Variants in GFPT1 observed in about 807,000 individuals in gnomAD.
GFPT1 encodes the protein glutamine--fructose-6-phosphate transaminase 1, also known as glutamine--fructose-6-phosphate aminotransferase [isomerizing] 1.
A neutral mutation model predicts 92.0 loss-of-function variants in GFPT1; 40 were observed. That is an observed-to-expected ratio of 0.43 (90% CI 0.34 to 0.57). The LOEUF (loss-of-function observed/expected upper bound fraction) is 0.57, where lower values mean the gene tolerates loss of function less well. Ranked by LOEUF, GFPT1 falls within the 20% of genes least tolerant of loss-of-function variation. The pLI is 0.02. For missense variants in GFPT1, 448 were observed against 869.1 expected, an observed-to-expected ratio of 0.52 and a Z score of 6.09; for synonymous variants, 269 against 280.6, an observed-to-expected ratio of 0.96 and a Z score of 0.41.
intron 1 of GFPT1, among the ~76,000 whole-genome samples, chr2:69,385,325 A>C (rs1422506791): frequency 6.6e-6 from 1 of 152,088 alleles, no homozygotes; most frequent in Non-Finnish European, 1.5e-5. Flanking sequence ...TCCTGGGTTC[A>C]AGCAATTCTC....
At chr2:69,369,922 G>C in intron 3 of GFPT1, 79 bp downstream of exon 3, 1 of 839,788 alleles carries the variant, frequency 1.2e-6, no homozygotes, top group Non-Finnish European at 2.1e-6. Context: ...TATGGGGGGA[G>C]GGAGTAACTT....
Position 69,340,962 on chromosome 2 carries a change from AT to A in GFPT1, c.1203+1189del, listed in dbSNP as rs199569354. Reference sequence around the variant, plus strand: ...CATCTTTCTTCTTCCCGTGTTCAAAATTTTTTTTTTTTTTTGAGACAGGGCC... The same window carrying A: ...CATCTTTCTTCTTCCCGTGTTCAAAATTTTTTTTTTTTTTGAGACAGGGCC... On this transcript the variant is annotated intron_variant, in intron 13 of 19. Coordinates refer to ENST00000357308, the MANE Select transcript of GFPT1 (RefSeq NM_001244710.2). Among the ~76,000 whole-genome samples the A allele has an allele frequency of 5.9e-3, 849 of 144,438 alleles. 2 individuals carry two copies. Among genetic ancestry groups the A allele is most frequent in the African/African-American group, 9.5e-3 (378 of 39,628 alleles). 94.8% of individuals were successfully genotyped at this position (144,438 alleles called of 152,430 possible). A position where few individuals can be genotyped will look rare whatever the true frequency, so the allele number is the denominator to read the frequency against.
chr2:69,336,707 T>C, intron 15 of GFPT1, among the ~76,000 whole-genome samples: 1 of 151,002 alleles, frequency 6.6e-6, no homozygotes, highest in East Asian at 1.9e-4. Context: ...AGAGATCACT[T>C]GAGCCCATGA....
At chr2:69,346,303 A>T (rs1195237639) in intron 11 of GFPT1, among the ~76,000 whole-genome samples, 1 of 151,814 alleles carries the variant, frequency 6.6e-6, no homozygotes, top group African/African-American at 2.4e-5. Context: ...GAGTGGCATG[A>T]TGTAGGCTCA....
intron 13 of GFPT1, among the ~76,000 whole-genome samples, chr2:69,340,592 A>G (rs1270905068): frequency 1.3e-5 from 2 of 152,202 alleles, no homozygotes; most frequent in Non-Finnish European, 2.9e-5. Context: ...AACCTCTGGC[A>G]TAAATGAGTT....
chr2:69,339,284 A>C (rs1574051920), intron 13 of GFPT1, among the ~76,000 whole-genome samples: 1 of 152,336 alleles, frequency 6.6e-6, no homozygotes, highest in African/African-American at 2.4e-5. Context: ...AAAATTAAAC[A>C]CTTTAAAAGT....
chr2:69,361,447 CAAA>C (rs558027010), intron 4 of GFPT1, among the ~76,000 whole-genome samples: 1 of 87,944 alleles, frequency 1.1e-5, no homozygotes. Flanking sequence ...GATTCCTTCT[CAAA>C]AAAAAAAAAA....
chr2:69,339,434 A>G (rs1670882579), intron 13 of GFPT1, among the ~76,000 whole-genome samples: 1 of 152,222 alleles, frequency 6.6e-6, no homozygotes, highest in Non-Finnish European at 1.5e-5. Flanking sequence ...CTCTGTGCAA[A>G]ACGTAGTTTA....
chr2:69,357,122 C>A (rs968402460), intron 6 of GFPT1, among the ~76,000 whole-genome samples: 1 of 152,188 alleles, frequency 6.6e-6, no homozygotes, highest in African/African-American at 2.4e-5. Context: ...ATCCTTTCTA[C>A]AGGCTATGAA....
chr2:69,329,671 A>G lies in GFPT1; in HGVS notation c.1597+13T>C. ...TTAGACAACAAAAGTGTAATATATG[A>G]GTGTCTTTGTACCAGGCAGCCGTTT... On this transcript the variant is annotated intron_variant, in intron 16 of 19. Coordinates refer to ENST00000357308, the MANE Select transcript of GFPT1 (RefSeq NM_001244710.2). 6.5e-7 allele frequency: 1 copy of G among 1,528,808 alleles called. No homozygotes were observed. Among genetic ancestry groups the G allele is most frequent in the Non-Finnish European group, 9.1e-7 (1 of 1,102,026 alleles). 94.7% of individuals were successfully genotyped at this position (1,528,808 alleles called of 1,614,324 possible).
At chr2:69,377,518 G>T (rs968772901) in intron 1 of GFPT1, among the ~76,000 whole-genome samples, 2 of 150,040 alleles carry the variant, frequency 1.3e-5, no homozygotes, top group Non-Finnish European at 3.0e-5. Context: ...AAAATAGCCA[G>T]CTGTGGTGGC....
At chr2:69,384,661 T>C (rs1312820632) in intron 1 of GFPT1, among the ~76,000 whole-genome samples, 2 of 119,512 alleles carry the variant, frequency 1.7e-5, no homozygotes, top group Non-Finnish European at 3.2e-5. Flanking sequence ...GCCGCTGCAC[T>C]CCAGCCTGGG....
rs756101421 is a variant in GFPT1 at position 69,385,538 on chromosome 2, TTATTTA to T, written c.7+1521_7+1526del. Among the ~76,000 whole-genome samples, 457 of 83,080 alleles carry T rather than the reference TTATTTA, an allele frequency of 5.5e-3. 6 individuals are homozygous for T. Among genetic ancestry groups the T allele is most frequent in the African/African-American group, 0.038 (430 of 11,334 alleles). The allele number at this position is 83,080 out of a possible 152,430, so 54.5% of individuals were successfully genotyped here. A position where few individuals can be genotyped will look rare whatever the true frequency, so the allele number is the denominator to read the frequency against. On this transcript the variant is annotated intron_variant, in intron 1 of 19. Transcript: ENST00000357308. ...CCACGCCCAGCGCTGATTTATTTAT[TTATTTA>T]TTTTTTTTTCAGTAAGTACTTTGAC...
chr2:69,330,584 A>T (rs73937248), intron 15 of GFPT1, among the ~76,000 whole-genome samples: 3,402 of 151,942 alleles, frequency 0.022, 137 homozygotes, highest in African/African-American at 0.076. Flanking sequence ...GCATTAAAAA[A>T]AAAAAAAAGG....
At chr2:69,377,390 C>T (rs866789208) in intron 1 of GFPT1, among the ~76,000 whole-genome samples, 17 of 151,862 alleles carry the variant, frequency 1.1e-4, no homozygotes, top group African/African-American at 4.1e-4. Flanking sequence ...GTGGCTCACA[C>T]CTGTAATCCC....
chr2:69,347,514 G>A (rs1671113111), intron 11 of GFPT1, among the ~76,000 whole-genome samples: 1 of 140,144 alleles, frequency 7.1e-6, no homozygotes, highest in Admixed American at 7.3e-5. Flanking sequence ...TTTTGCTCTT[G>A]TTGCCAAGGC....
chr2:69,378,704 A>G (rs1383067568), intron 1 of GFPT1, among the ~76,000 whole-genome samples: 5 of 152,234 alleles, frequency 3.3e-5, no homozygotes, highest in Non-Finnish European at 5.9e-5. Context: ...GACTCGTCAA[A>G]TTATTAAAAT....
intron 9 of GFPT1, among the ~76,000 whole-genome samples, chr2:69,350,692 C>T (rs1574062659): frequency 6.6e-6 from 1 of 152,044 alleles, no homozygotes; most frequent in African/African-American, 2.4e-5. Flanking sequence ...CACTTGAGGT[C>T]AGGAGTTCAA....
Position 69,328,256 on chromosome 2 carries a change from A to C in GFPT1, c.1893+15T>G. 6.2e-7 allele frequency: 1 copy of C among 1,607,070 alleles called. No homozygotes were observed. On this transcript the variant is annotated intron_variant, in intron 18 of 19. Coordinates refer to ENST00000357308, the MANE Select transcript of GFPT1 (RefSeq NM_001244710.2). ...TCTTTGATCCCCAAGGTGTTCTCACAGTCCCCCGACTTACCTGCCGAGCAA... is the reference window on the plus strand; with the variant it reads ...TCTTTGATCCCCAAGGTGTTCTCACCGTCCCCCGACTTACCTGCCGAGCAA...
Sources: gnomAD v4.1 joint callset for allele counts (sites outside exome capture counted in the v4.1 genomes callset) on GRCh38, gnomAD v4.1.1 for gene constraint, MANE v1.5 for transcripts, NCBI Gene and HGNC (gene_info 2026-07-23, HGNC 2026-07-21) for gene names.